The following PLD3 variants were observed in gnomAD, a reference collection of about 807,000 sequenced individuals.
PLD3 encodes the protein phospholipase D family member 3.
A neutral mutation model predicts 58.4 loss-of-function variants in PLD3; 31 were observed. That is an observed-to-expected ratio of 0.53 (90% CI 0.40 to 0.72). PLD3 has a LOEUF of 0.72. Among genes scored for constraint, PLD3 ranks in the 30% least tolerant of loss-of-function variants. The probability of loss-of-function intolerance (pLI) is 0.00; values close to 1 mark genes in which losing one functional copy is unlikely to be tolerated. For missense variants in PLD3, 595 were observed against 659.8 expected (o/e 0.90, Z 1.08); for synonymous variants, 264 against 273.4 (o/e 0.97, Z 0.34).
intron 1 of PLD3, among the ~76,000 whole-genome samples, chr19:40,361,836 T>C (rs925255615): frequency 1.3e-5 from 2 of 149,302 alleles, no homozygotes; most frequent in Non-Finnish European, 3.0e-5. Context: ...ATCTTGTTTA[T>C]TATCACCTTT....
At chr19:40,351,163 C>A (rs1014476572) in intron 1 of PLD3, among the ~76,000 whole-genome samples, 2 of 150,814 alleles carry the variant, frequency 1.3e-5, no homozygotes, top group Non-Finnish European at 3.0e-5. Context: ...CCTGGGAGTT[C>A]GAGGCTGCAG....
Position 40,371,875 on chromosome 19 carries a change from T to C in PLD3, c.879+2T>C. 6.2e-7 allele frequency: 1 copy of C among 1,613,036 alleles called. No individual in the cohort carries two copies. The highest frequency in any genetic ancestry group is 1.3e-5 in the African/African-American group (1 of 75,020). ...ACCCCTGCTCTGGCCTACCTGGCGG[T>C]GAGTCTGGGGCAAGTGGGGCCTGTC... On this transcript the variant is annotated splice_donor_variant, in intron 9 of 12. Coordinates refer to ENST00000409735, the MANE Select transcript of PLD3 (RefSeq NM_012268.4). LOFTEE classifies it high-confidence loss of function.
intron 5 of PLD3, 89 bp downstream of exon 5, chr19:40,367,004 C>G: frequency 7.0e-7 from 1 of 1,419,598 alleles, no homozygotes; most frequent in Non-Finnish European, 9.4e-7. Context: ...GCACTCAGCC[C>G]TACCCAGCGC....
At chr19:40,376,875 T>G (rs1599630740) in intron 11 of PLD3, 101 bp downstream of exon 11, 2 of 1,149,506 alleles carry the variant, frequency 1.7e-6, no homozygotes, top group Non-Finnish European at 2.4e-6. Context: ...CAGCCCAGAG[T>G]GAGCCCTGTC....
At position 40,371,690 on chromosome 19, in the gene PLD3, G is replaced by C. The variant is rs139897683; in HGVS notation, c.696G>C (p.Val232=). 284 of 1,613,272 alleles carry C rather than the reference G, an allele frequency of 1.8e-4. No homozygotes were observed. The highest frequency in any genetic ancestry group is 2.3e-4 in the Non-Finnish European group (270 of 1,179,628). Residue 232 remains valine (V), a synonymous_variant, in exon 9 of 13, where the codon GTG becomes GTC. Transcript: ENST00000409735. ...TCCTACAGGTCAAGGAGCTGGGCGT[G>C]GTCATGTACAACTGCAGCTGCCTGG... ...RSLTQVKELG[V]VMYNCSCLAR...
At chr19:40,370,622 G>A (rs759137830) in intron 8 of PLD3, 1 of 173,698 alleles carries the variant, frequency 5.8e-6, no homozygotes, top group Non-Finnish European at 1.2e-5. Flanking sequence ...ACAGTGGGTT[G>A]TATTCATGCC....
At chr19:40,349,432 C>T (rs972974529) in intron 1 of PLD3, among the ~76,000 whole-genome samples, 14 of 152,116 alleles carry the variant, frequency 9.2e-5, no homozygotes, top group Non-Finnish European at 2.9e-5. Context: ...CGTGTCACAT[C>T]TCACATAACA....
At chr19:40,367,448 G>A (rs555766598) in intron 5 of PLD3, 16 of 421,264 alleles carry the variant, frequency 3.8e-5, no homozygotes, top group African/African-American at 2.2e-4. Context: ...AGGCATACTG[G>A]TGCACACCTG....
In PLD3 at chr19:40,366,832, G is replaced by A. The variant is rs1600303400; in HGVS notation, c.162G>A (p.Met54Ile). The A allele has an allele frequency of 6.2e-7, 1 of 1,613,986 alleles. No individual in the cohort carries two copies. The highest frequency in any genetic ancestry group is 8.5e-7 in the Non-Finnish European group (1 of 1,179,948). Residue 54 changes from methionine (M) to isoleucine (I), a missense_variant, in exon 5 of 13, where the codon ATG becomes ATA. Coordinates refer to ENST00000409735, the MANE Select transcript of PLD3 (RefSeq NM_012268.4). Reference protein sequence around the residue: ...ILAVVGFGALMTQLFLWEYGD... With the variant: ...ILAVVGFGALITQLFLWEYGD... ...CGGTTGTGGGCTTCGGAGCCCTGATGACTCAGCTGTTTCTATGGGAATACG... is the reference window on the plus strand; with the variant it reads ...CGGTTGTGGGCTTCGGAGCCCTGATAACTCAGCTGTTTCTATGGGAATACG...
intron 1 of PLD3, among the ~76,000 whole-genome samples, chr19:40,361,440 G>T (rs984216208): frequency 1.3e-5 from 2 of 152,072 alleles, no homozygotes; most frequent in Non-Finnish European, 2.9e-5. Context: ...AAAATCTGAA[G>T]CAGATCACAT....
chr19:40,361,115 T>C (rs1420035413), intron 1 of PLD3, among the ~76,000 whole-genome samples: 1 of 151,426 alleles, frequency 6.6e-6, no homozygotes, highest in African/African-American at 2.4e-5. Flanking sequence ...GATCCTCATC[T>C]CTTTTTTTTT....
In PLD3 at chr19:40,366,846, T is replaced by G; in HGVS notation, c.176T>G (p.Leu59Arg). ...GFGALMTQLF[L>R]WEYGDLHLFG... ...GGAGCCCTGATGACTCAGCTGTTTCTATGGGAATACGGCGACTTGCATCTC... is the reference window on the plus strand; with the variant it reads ...GGAGCCCTGATGACTCAGCTGTTTCGATGGGAATACGGCGACTTGCATCTC... The change falls in exon 5 of 13, where the codon CTA becomes CGA. Residue 59 changes from leucine (L) to arginine (R), a missense_variant. Coordinates refer to ENST00000409735, the MANE Select transcript of PLD3 (RefSeq NM_012268.4). 1 of 1,614,088 alleles carries G rather than the reference T, an allele frequency of 6.2e-7. No individual in the cohort carries two copies.
At chr19:40,373,576 CAA>C (rs1250262822) in intron 9 of PLD3, among the ~76,000 whole-genome samples, 10 of 73,476 alleles carry the variant, frequency 1.4e-4, no homozygotes, top group Non-Finnish European at 1.9e-4. Flanking sequence ...GACTCCACTT[CAA>C]AAAAAAAAAA....
chr19:40,366,805 G>A lies in PLD3; in HGVS notation c.135G>A (p.Leu45=). The A allele has an allele frequency of 6.2e-7, 1 of 1,613,930 alleles. No individual in the cohort carries two copies. The highest frequency in any genetic ancestry group is 1.1e-5 in the South Asian group (1 of 91,084). Residue 45 remains leucine, a synonymous_variant, in exon 5 of 13, where the codon CTG becomes CTA. Transcript: ENST00000409735. The part of the protein sequence containing the change: ...KARWVLLVLI[L]AVVGFGALMT... ...GCTGGGTCCTGCTGGTCCTCATTCT[G>A]GCGGTTGTGGGCTTCGGAGCCCTGA... is the stretch of plus-strand genomic sequence containing the variant.
chr19:40,368,417 G>T (rs562980121), intron 6 of PLD3, among the ~76,000 whole-genome samples: 48 of 152,250 alleles, frequency 3.2e-4, no homozygotes, highest in African/African-American at 1.0e-3. Context: ...ATATATCCTG[G>T]TATGGTCTGC....
chr19:40,363,304 T>A (rs937360789), intron 1 of PLD3, among the ~76,000 whole-genome samples: 1 of 151,958 alleles, frequency 6.6e-6, no homozygotes, highest in Non-Finnish European at 1.5e-5. Context: ...TCCTGCCTCC[T>A]CCACCCACAA....
intron 1 of PLD3, among the ~76,000 whole-genome samples, chr19:40,351,004 G>A (rs2078499284): frequency 6.6e-6 from 1 of 151,688 alleles, no homozygotes; most frequent in Admixed American, 6.6e-5. Context: ...TTGGGAGGCT[G>A]AGGAAGGTGG....
At chr19:40,366,137 A>G in intron 2 of PLD3, 1 of 395,706 alleles carries the variant, frequency 2.5e-6, no homozygotes, top group South Asian at 2.5e-5. Flanking sequence ...TGGGGTGTCT[A>G]CAGGTTGGAG....
chr19:40,367,399 A>C, intron 5 of PLD3: 2 of 300,202 alleles, frequency 6.7e-6, no homozygotes, highest in Admixed American at 4.7e-5. Context: ...TGGGCAATGT[A>C]GTGCGGCTCC....
Sources: allele counts gnomAD v4.1 joint callset (sites outside exome capture counted in the v4.1 genomes callset), GRCh38; gene constraint gnomAD v4.1.1; transcripts MANE v1.5; gene names NCBI Gene and HGNC (gene_info 2026-07-23, HGNC 2026-07-21).